Variants in SLC25A33 observed in about 807,000 individuals in gnomAD.
SLC25A33 encodes the protein bone marrow stromal cell mitochondrial carrier protein.
A neutral mutation model predicts 35.5 loss-of-function variants in SLC25A33; 15 were observed. The observed-to-expected ratio is 0.42, with a 90% CI of 0.28 to 0.65. The LOEUF is 0.65. Ranked by LOEUF, SLC25A33 falls within the 30% of genes least tolerant of loss-of-function variation. The pLI is 0.20. For synonymous variants in SLC25A33, 136 were observed against 148.7 expected, an observed-to-expected ratio of 0.91 and a Z score of 0.62; for missense variants, 257 against 398.5, an observed-to-expected ratio of 0.64 and a Z score of 3.02.
chr1:9,563,010 C>G (rs1189305824), intron 2 of SLC25A33, among the ~76,000 whole-genome samples: 1 of 150,790 alleles, frequency 6.6e-6, no homozygotes, highest in African/African-American at 2.4e-5. Flanking sequence ...GCTCCACCTC[C>G]TGGGTTCACG....
At position 9,578,210 on chromosome 1, in the gene SLC25A33, A is replaced by C. The variant is rs962220975; in HGVS notation, c.483-1744A>C. ...TGGGAATACAGGTGTGAGCCACCGC[A>C]CCCGGCCTCTGGATGGTTTTAAGCA... On this transcript the variant is annotated intron_variant, in intron 5 of 6. Transcript: ENST00000302692. This position sits in a 1 kb window ranked among gnomAD's most constrained non-coding sequence, Gnocchi z 4.3. Among the ~76,000 whole-genome samples the C allele has an allele frequency of 2.0e-5, 3 of 151,426 alleles. No homozygotes were observed. The highest frequency in any genetic ancestry group is 7.3e-5 in the African/African-American group (3 of 41,168).
chr1:9,545,832 G>T (rs549422959), intron 1 of SLC25A33, among the ~76,000 whole-genome samples: 16 of 151,648 alleles, frequency 1.1e-4, no homozygotes, highest in Admixed American at 2.6e-4. Context: ...GCATGGTGGC[G>T]CAGGCCTGTA....
In SLC25A33 at chr1:9,582,508, G is replaced by A. The variant is rs192868792; in HGVS notation, c.*7G>A. 1.1e-4 allele frequency: 176 copies of A among 1,605,044 alleles called. 1 individual carries two copies. The highest frequency in any genetic ancestry group is 9.9e-4 in the Middle Eastern group (6 of 6,034). ...AGAAGACCGTACTCAGTAACAGGCCGGAAAATTGTGCTCTAGAAGAATAAA... is the reference window on the plus strand; with the variant it reads ...AGAAGACCGTACTCAGTAACAGGCCAGAAAATTGTGCTCTAGAAGAATAAA... On this transcript the variant is annotated 3_prime_UTR_variant, in exon 7 of 7. Transcript: ENST00000302692. The surrounding 1 kb of genome is among the most constrained non-coding windows in gnomAD (Gnocchi z 4.0).
At chr1:9,545,685 G>A (rs1171659766) in intron 1 of SLC25A33, among the ~76,000 whole-genome samples, 1 of 148,826 alleles carries the variant, frequency 6.7e-6, no homozygotes, top group Admixed American at 6.7e-5. Context: ...ACAGGCGTGA[G>A]CCACCGCGCC....
At chr1:9,544,719 T>C (rs1179386852) in intron 1 of SLC25A33, among the ~76,000 whole-genome samples, 3 of 152,186 alleles carry the variant, frequency 2.0e-5, no homozygotes, top group Admixed American at 2.0e-4. Context: ...GGCAGTATCA[T>C]TTGTTGGCAA....
At chr1:9,547,805 T>C (rs912325109) in intron 1 of SLC25A33, among the ~76,000 whole-genome samples, 3 of 151,918 alleles carry the variant, frequency 2.0e-5, no homozygotes, top group Admixed American at 1.3e-4. Context: ...CTTCAAACTT[T>C]TTTTTTTTTT....
intron 5 of SLC25A33, 109 bp downstream of exon 5, chr1:9,573,521 C>T (rs1457015231): frequency 2.3e-6 from 2 of 873,052 alleles, no homozygotes. Flanking sequence ...TACCCCCCTC[C>T]TCGTTTCCTT....
At chr1:9,567,449 C>A in intron 3 of SLC25A33, 88 bp downstream of exon 3, 1 of 1,230,902 alleles carries the variant, frequency 8.1e-7, no homozygotes. Context: ...GCTGAATGAC[C>A]AGTGTCTTTT....
chr1:9,571,863 A>G (rs558386356), intron 4 of SLC25A33, among the ~76,000 whole-genome samples: 1 of 152,260 alleles, frequency 6.6e-6, no homozygotes, highest in African/African-American at 2.4e-5. Context: ...CTCGTCTCGA[A>G]CTACTGAACT....
At chr1:9,539,816 G>A in intron 1 of SLC25A33, 69 bp downstream of exon 1, 5 of 1,239,564 alleles carry the variant, frequency 4.0e-6, no homozygotes, top group Non-Finnish European at 3.0e-6. Context: ...CCCGGGCGCG[G>A]CCCCAGCCTC....
At chr1:9,580,364 G>C in intron 6 of SLC25A33, 130 bp downstream of exon 6, 12 of 1,167,264 alleles carry the variant, frequency 1.0e-5, no homozygotes, top group Non-Finnish European at 1.5e-5. Context: ...GAGTATGAGG[G>C]AAACAGCTCT....
rs151258346 is a variant in SLC25A33, at chr1:9,567,343, T to C, written c.296T>C (p.Val99Ala). 1 of 1,613,948 alleles carries C rather than the reference T, an allele frequency of 6.2e-7. No homozygotes were observed. Among genetic ancestry groups the C allele is most frequent in the Non-Finnish European group, 8.5e-7 (1 of 1,179,950 alleles). Residue 99 changes from valine (V) to alanine (A), a missense_variant, in exon 3 of 7, where the codon GTT becomes GCT. By Grantham distance (64) the Val-to-Ala change is moderately conservative (BLOSUM62 0). Coordinates refer to ENST00000302692, the MANE Select transcript of SLC25A33 (RefSeq NM_032315.3). ...SLFRGLGPNL[V>A]GVAPSRAVYF... Reference sequence around the variant, plus strand: ...TTTAGAGGCTTGGGTCCAAATTTGGTTGGAGTTGCACCATCAAGGTAAGCA... The same window carrying C: ...TTTAGAGGCTTGGGTCCAAATTTGGCTGGAGTTGCACCATCAAGGTAAGCA...
chr1:9,562,049 C>CA (rs55912108), intron 2 of SLC25A33, among the ~76,000 whole-genome samples: 17,872 of 117,188 alleles, frequency 0.15, 1,353 homozygotes, highest in Admixed American at 0.21. Flanking sequence ...GACTCCGTCT[C>CA]AAAAAAAAAA....
rs4926480 is a variant in SLC25A33, at chr1:9,551,961, G to A, written c.57-1665G>A. On this transcript the variant is annotated intron_variant, in intron 1 of 6. Coordinates refer to ENST00000302692, the MANE Select transcript of SLC25A33 (RefSeq NM_032315.3). ...CATTGTTAATTATAACTAGCCCATC[G>A]AACATGTTATTTCATTGGTAGAATT... Among the ~76,000 whole-genome samples the A allele has an allele frequency of 4.6e-3, 695 of 152,308 alleles. 19 individuals carry two copies. Among genetic ancestry groups the A allele is most frequent in the Admixed American group, 0.037 (562 of 15,294 alleles).
At chr1:9,550,011 ATTT>A (rs70979761) in intron 1 of SLC25A33, among the ~76,000 whole-genome samples, 10 of 48,860 alleles carry the variant, frequency 2.0e-4, no homozygotes, top group African/African-American at 5.5e-4. Flanking sequence ...ATATATATAT[ATTT>A]TTTTTTTTTT....
chr1:9,553,822 C>G lies in SLC25A33; in HGVS notation c.236+17C>G, dbSNP rs1047542733. On this transcript the variant is annotated intron_variant, in intron 2 of 6. Transcript: ENST00000302692. ...GGTTCTGAAGTAAGTTCAGTCTTGTCTGCTCCTGCCACCTGCACACCCTGT... is the reference window on the plus strand; with the variant it reads ...GGTTCTGAAGTAAGTTCAGTCTTGTGTGCTCCTGCCACCTGCACACCCTGT... 1.9e-6 allele frequency: 3 copies of G among 1,604,062 alleles called. No homozygotes were observed. Among genetic ancestry groups the G allele is most frequent in the Admixed American group, 3.4e-5 (2 of 59,032 alleles).
chr1:9,558,977 A>G (rs573302374), intron 2 of SLC25A33, among the ~76,000 whole-genome samples: 2 of 152,060 alleles, frequency 1.3e-5, no homozygotes, highest in Non-Finnish European at 2.9e-5. Flanking sequence ...CTGACTTTTC[A>G]TCTCCTATTT....
Position 9,539,537 on chromosome 1 carries a change from G to C in SLC25A33, c.-155G>C, listed in dbSNP as rs1348366585. 2.5e-6 allele frequency: 1 copy of C among 400,402 alleles called. No homozygotes were observed. Among genetic ancestry groups the C allele is most frequent in the Non-Finnish European group, 3.8e-6 (1 of 260,614 alleles). 24.8% of individuals were successfully genotyped at this position (400,402 alleles called of 1,614,324 possible). Reference sequence around the variant, plus strand: ...CCACGCCGCGGAAGGCGCGGGCCGAGCAGAGCCGGGCGTTGGAGCCCGCGC... The same window carrying C: ...CCACGCCGCGGAAGGCGCGGGCCGACCAGAGCCGGGCGTTGGAGCCCGCGC... On this transcript the variant is annotated 5_prime_UTR_variant, in exon 1 of 7. Transcript: ENST00000302692.
intron 4 of SLC25A33, among the ~76,000 whole-genome samples, chr1:9,571,816 TTTTTTGTA>T: frequency 2.0e-5 from 3 of 152,122 alleles, no homozygotes; most frequent in Admixed American, 1.3e-4. Context: ...TTTTTTTGTA[TTTTTTGTA>T]GAAATGGAGT....
Sources: allele counts gnomAD v4.1 joint callset (sites outside exome capture counted in the v4.1 genomes callset), GRCh38; gene constraint gnomAD v4.1.1; non-coding constraint Gnocchi (gnomAD v3.1); transcripts MANE v1.5; gene names NCBI Gene and HGNC (gene_info 2026-07-23, HGNC 2026-07-21).